RNF130: variants seen among roughly 807,000 people sequenced by gnomAD.
RNF130 encodes the protein E3 ubiquitin-protein ligase RNF130.
In RNF130, 21 loss-of-function variants were observed where a neutral mutation model predicts 44.6. That is an observed-to-expected ratio of 0.47 (90% CI 0.33 to 0.68). The LOEUF (loss-of-function observed/expected upper bound fraction) is 0.68, where lower values mean the gene tolerates loss of function less well. Ranked by LOEUF, RNF130 falls within the 30% of genes least tolerant of loss-of-function variation. The pLI is 0.02. For synonymous variants in RNF130, 214 were observed against 210.4 expected (o/e 1.02, Z -0.15); for missense variants, 479 against 560.6 (o/e 0.85, Z 1.47).
chr5:179,918,525 G>A (rs1761584071), exon 8 of RNF130: 1 of 152,092 alleles, frequency 6.6e-6, no homozygotes, highest in African/African-American at 2.4e-5. Flanking sequence ...ATGCAGACGC[G>A]TGTCTGGAAC....
At chr5:179,934,987 C>T (rs1761867737) in intron 7 of RNF130, among the ~76,000 whole-genome samples, 1 of 152,074 alleles carries the variant, frequency 6.6e-6, no homozygotes, top group Non-Finnish European at 1.5e-5. Context: ...GATTTAAGGT[C>T]GCAGATTTCC....
chr5:179,973,804 G>A (rs1442511683), intron 5 of RNF130, among the ~76,000 whole-genome samples: 1 of 152,194 alleles, frequency 6.6e-6, no homozygotes, highest in African/African-American at 2.4e-5. Context: ...CACAGGGTGG[G>A]TGGTGCATCG....
At chr5:179,998,076 G>A (rs912041329) in intron 3 of RNF130, among the ~76,000 whole-genome samples, 1 of 149,918 alleles carries the variant, frequency 6.7e-6, no homozygotes, top group Non-Finnish European at 1.5e-5. Context: ...TCTTGACCTC[G>A]TGATCCGCCA....
chr5:179,927,537 C>G (rs544061442), intron 7 of RNF130, among the ~76,000 whole-genome samples: 20 of 152,146 alleles, frequency 1.3e-4, no homozygotes, highest in African/African-American at 3.9e-4. Context: ...CTCTCTCCCC[C>G]GCCAAAGGAA....
intron 3 of RNF130, among the ~76,000 whole-genome samples, chr5:180,012,346 A>G (rs776461492): frequency 6.6e-6 from 1 of 152,156 alleles, no homozygotes; most frequent in Non-Finnish European, 1.5e-5. Context: ...TTTCTACACA[A>G]AAAGTCTAGG....
At chr5:179,931,430 T>C (rs1761806596) in intron 7 of RNF130, among the ~76,000 whole-genome samples, 1 of 152,220 alleles carries the variant, frequency 6.6e-6, no homozygotes, top group Admixed American at 6.5e-5. Context: ...TTTTGTTTTT[T>C]TTCTTTTTTG....
chr5:180,044,617 G>A (rs1764513080), intron 1 of RNF130, among the ~76,000 whole-genome samples: 1 of 151,996 alleles, frequency 6.6e-6, no homozygotes, highest in Non-Finnish European at 1.5e-5. Flanking sequence ...ACAGATCATG[G>A]GGTCATGAGT....
At chr5:179,965,864 C>T (rs1329525858) in intron 7 of RNF130, among the ~76,000 whole-genome samples, 2 of 152,246 alleles carry the variant, frequency 1.3e-5, no homozygotes, top group South Asian at 2.1e-4. Context: ...ACAGACCACA[C>T]GAGTCTTAAC....
chr5:179,942,157 C>T (rs991692670), intron 7 of RNF130, among the ~76,000 whole-genome samples: 78 of 66,446 alleles, frequency 1.2e-3, no homozygotes, highest in Non-Finnish European at 2.2e-3. Flanking sequence ...TCACTTAGAA[C>T]CATCTCAGTA....
chr5:180,030,392 C>A (rs191112460), intron 2 of RNF130, among the ~76,000 whole-genome samples: 1 of 152,074 alleles, frequency 6.6e-6, no homozygotes, highest in South Asian at 2.1e-4. Context: ...TAATTTACAT[C>A]CTACAAGACT....
intron 1 of RNF130, among the ~76,000 whole-genome samples, chr5:180,061,589 G>T (rs192038556): frequency 6.6e-6 from 1 of 152,120 alleles, no homozygotes; most frequent in East Asian, 1.9e-4. Flanking sequence ...CTTTGCACCC[G>T]CCGGTTTGTG....
At chr5:179,939,877 G>T in intron 7 of RNF130, 1 of 333,332 alleles carries the variant, frequency 3.0e-6, no homozygotes, top group South Asian at 2.9e-5. Flanking sequence ...TATGGAGGGT[G>T]AATCAACCTC....
intron 7 of RNF130, among the ~76,000 whole-genome samples, chr5:179,946,814 A>G (rs531199619): frequency 3.1e-3 from 472 of 152,262 alleles, no homozygotes; most frequent in African/African-American, 0.011. Context: ...TCGGCCTCCC[A>G]AAGTGCTGGG....
intron 2 of RNF130, among the ~76,000 whole-genome samples, chr5:180,013,656 T>C (rs2113086610): frequency 6.6e-6 from 1 of 152,296 alleles, no homozygotes; most frequent in Middle Eastern, 3.4e-3. Context: ...GCAAGAGAAG[T>C]GTATCAACAT....
downstream of RNF130, among the ~76,000 whole-genome samples, chr5:179,951,399 T>A (rs559313198): frequency 5.6e-4 from 85 of 151,876 alleles, no homozygotes; most frequent in African/African-American, 2.1e-3. Flanking sequence ...GTTTTTTTTT[T>A]TTGAGATGGA....
intron 3 of RNF130, among the ~76,000 whole-genome samples, chr5:179,997,549 TG>T: frequency 6.6e-6 from 1 of 152,156 alleles, no homozygotes; most frequent in Non-Finnish European, 1.5e-5. Context: ...AGGATGGTCT[TG>T]ATCTCCTGAC....
intron 8 of RNF130, among the ~76,000 whole-genome samples, chr5:179,963,260 G>A (rs528878139): frequency 1.3e-5 from 2 of 152,320 alleles, no homozygotes; most frequent in South Asian, 4.1e-4. Context: ...TTTCTCAAAC[G>A]GGCTGCTCTT....
chr5:180,013,431 C>T, intron 2 of RNF130, 120 bp from the exon 3 acceptor site: 1 of 854,836 alleles, frequency 1.2e-6, no homozygotes, highest in Non-Finnish European at 1.8e-6. Context: ...GGTATGCAAA[C>T]TCCACTTCTC....
Position 179,998,109 on chromosome 5 carries a change from G to A in RNF130, c.693+14952C>T, listed in dbSNP as rs546960993. Among the ~76,000 whole-genome samples the A allele has an allele frequency of 5.3e-5, 8 of 152,346 alleles. 1 individual carries two copies. The highest frequency in any genetic ancestry group is 2.6e-4 in the Admixed American group (4 of 15,314). On this transcript the variant is annotated intron_variant, in intron 3 of 8. Coordinates refer to ENST00000521389, the MANE Select transcript of RNF130 (RefSeq NM_018434.6). ...CCACCTTGGCCTCCCAAAGTGCTGC[G>A]ATTAGAGGCGTGAGCCACTGTGCTT... is the stretch of plus-strand genomic sequence containing the variant.
Sources: gnomAD v4.1 joint callset for allele counts (sites outside exome capture counted in the v4.1 genomes callset) on GRCh38, gnomAD v4.1.1 for gene constraint, MANE v1.5 for transcripts, NCBI Gene and HGNC (gene_info 2026-07-23, HGNC 2026-07-21) for gene names.